Variants in SNX8 observed in about 807,000 individuals in gnomAD.
SNX8 encodes the protein sorting nexin 8.
SNX8 carries 25 observed loss-of-function variants against 51.6 expected under a neutral mutation model. The ratio of observed to expected loss-of-function variants is 0.48; its 90% CI spans 0.35 to 0.68. The LOEUF (loss-of-function observed/expected upper bound fraction) is 0.68, where lower values mean the gene tolerates loss of function less well. Among genes scored for constraint, SNX8 ranks in the 30% least tolerant of loss-of-function variants. The pLI is 0.00. For synonymous variants in SNX8, 324 were observed against 277.0 expected, an observed-to-expected ratio of 1.17 and a Z score of -1.68; for missense variants, 695 against 624.0, an observed-to-expected ratio of 1.11 and a Z score of -1.21.
In SNX8 at chr7:2,272,075, A is replaced by G. The variant is rs7811591; in HGVS notation, c.419-104T>C. ...TCTCCCTAGAGGTGGCAGAGGGCCC[A>G]GCGGCTAGCAGAGGGCACTGGCTGG... On this transcript the variant is annotated intron_variant, in intron 3 of 10. Transcript: ENST00000222990. 9,211 of 1,493,946 alleles carry G rather than the reference A, an allele frequency of 6.2e-3. 461 individuals carry two copies. The African/African-American group carries it at 0.11, about 18-fold the overall frequency. 92.5% of individuals were successfully genotyped at this position (1,493,946 alleles called of 1,614,324 possible). A position where few individuals can be genotyped will look rare whatever the true frequency, so the allele number is the denominator to read the frequency against.
At chr7:2,295,313 A>C (rs1019921796) in intron 1 of SNX8, among the ~76,000 whole-genome samples, 2 of 150,942 alleles carry the variant, frequency 1.3e-5, no homozygotes, top group African/African-American at 4.9e-5. Context: ...CTGAGGCTCG[A>C]GAACTGCTTG....
rs1158188066 is a variant in SNX8 at position 2,322,940 on chromosome 7, C to T, written c.-66+31282G>A. ...GCTGAAGCAAGAGAATTACTTGAACCTGGGAGGCAGAGGTTGCAGTAAGCC... is the reference window on the plus strand; with the variant it reads ...GCTGAAGCAAGAGAATTACTTGAACTTGGGAGGCAGAGGTTGCAGTAAGCC... On this transcript the variant is annotated intron_variant, in intron 1 of 5. Transcript: ENST00000435336. Among the ~76,000 whole-genome samples the T allele has an allele frequency of 2.0e-5, 3 of 151,822 alleles. No individual in the cohort carries two copies. The East Asian group carries it at 5.8e-4, about 29-fold the overall frequency.
At chr7:2,257,068 C>A (rs756009022) in intron 9 of SNX8, 45 bp from the exon 10 acceptor site, 2 of 1,549,506 alleles carry the variant, frequency 1.3e-6, no homozygotes, top group Non-Finnish European at 1.7e-6. Flanking sequence ...CAGCCGGCGA[C>A]GGGAGCACCA....
chr7:2,256,730 C>T (rs935421965), intron 10 of SNX8, 144 bp downstream of exon 10: 6 of 705,834 alleles, frequency 8.5e-6, no homozygotes, highest in Admixed American at 6.4e-5. Flanking sequence ...GGGCGAGCAC[C>T]GTGTTCCAAG....
At position 2,251,940 on chromosome 7, in the gene SNX8, C is replaced by T. The variant is rs2115074394; in HGVS notation, c.*3116G>A. 1.3e-5 allele frequency: 2 copies of T among 152,386 alleles called. No individual in the cohort carries two copies. Among genetic ancestry groups the T allele is most frequent in the Middle Eastern group, 3.4e-3 (1 of 294 alleles). 9.4% of individuals were successfully genotyped at this position (152,386 alleles called of 1,614,324 possible). A position where few individuals can be genotyped will look rare whatever the true frequency, so the allele number is the denominator to read the frequency against. ...AAGGCCTCAGATGCACAGAGCTGCC[C>T]TGACATCCCTTGGCTCGGAGTCCCT... On this transcript the variant is annotated 3_prime_UTR_variant, in exon 11 of 11. Transcript: ENST00000222990.
chr7:2,283,644 A>G (rs1562437451), intron 1 of SNX8, among the ~76,000 whole-genome samples: 1 of 152,120 alleles, frequency 6.6e-6, no homozygotes, highest in Non-Finnish European at 1.5e-5. Flanking sequence ...CGGAGGGGAG[A>G]TCAGGACCAG....
intron 1 of SNX8, among the ~76,000 whole-genome samples, chr7:2,330,156 G>A (rs1231592117): frequency 1.6e-5 from 1 of 62,000 alleles, no homozygotes; most frequent in Non-Finnish European, 3.1e-5. Flanking sequence ...TTTTTTTTTT[G>A]AGACAGGGTC....
intron 1 of SNX8, among the ~76,000 whole-genome samples, chr7:2,328,658 C>T (rs1309179039): frequency 6.6e-6 from 1 of 150,870 alleles, no homozygotes; most frequent in African/African-American, 2.4e-5. Flanking sequence ...ATTAAAAATA[C>T]AAAAAATTGC....
intron 1 of SNX8, among the ~76,000 whole-genome samples, chr7:2,279,185 G>A (rs1795853534): frequency 1.7e-5 from 1 of 58,862 alleles, no homozygotes; most frequent in Non-Finnish European, 3.5e-5. Flanking sequence ...AGTCGACGCC[G>A]GACTCACTCA....
chr7:2,354,494 A>G (rs939409583), upstream of SNX8, among the ~76,000 whole-genome samples: 1 of 152,168 alleles, frequency 6.6e-6, no homozygotes, highest in Admixed American at 6.5e-5. Flanking sequence ...CATTCCGGGT[A>G]CTAAAATCAT....
intron 1 of SNX8, among the ~76,000 whole-genome samples, chr7:2,340,406 T>C (rs1338060244): frequency 6.6e-6 from 1 of 151,902 alleles, no homozygotes; most frequent in Non-Finnish European, 1.5e-5. Flanking sequence ...AATAGCTTTA[T>C]GAGTGGGAAA....
chr7:2,293,966 C>CAA (rs147695305), intron 1 of SNX8, among the ~76,000 whole-genome samples: 17 of 138,188 alleles, frequency 1.2e-4, no homozygotes, highest in African/African-American at 4.2e-4. Context: ...AACTCTGTCT[C>CAA]AAAAAAAAAA....
chr7:2,310,192 C>T (rs937774506), intron 1 of SNX8, among the ~76,000 whole-genome samples: 1 of 152,118 alleles, frequency 6.6e-6, no homozygotes, highest in African/African-American at 2.4e-5. Flanking sequence ...ACACTTACCA[C>T]ACTCACTGCC....
intron 1 of SNX8, among the ~76,000 whole-genome samples, chr7:2,349,049 T>A (rs1009405151): frequency 7.4e-5 from 11 of 147,824 alleles, no homozygotes; most frequent in Non-Finnish European, 1.5e-4. Context: ...TTAAAAAAAT[T>A]GTAAAAAAGC....
At chr7:2,315,700 A>T (rs959110843), upstream of SNX8, among the ~76,000 whole-genome samples, 1 of 121,730 alleles carries the variant, frequency 8.2e-6, no homozygotes, top group Non-Finnish European at 2.1e-5. Flanking sequence ...TTCTGCATTC[A>T]TTCAGTCACT....
intron 1 of SNX8, among the ~76,000 whole-genome samples, chr7:2,293,377 C>T (rs1182783974): frequency 6.6e-6 from 1 of 151,862 alleles, no homozygotes; most frequent in African/African-American, 2.4e-5. Context: ...GATGCTCAGT[C>T]GGGTGCGGTG....
At chr7:2,313,935 T>C (rs899129660) in intron 1 of SNX8, among the ~76,000 whole-genome samples, 1 of 152,260 alleles carries the variant, frequency 6.6e-6, no homozygotes, top group Admixed American at 6.5e-5. Context: ...TCCGGGGAAG[T>C]GGCCCCCAGT....
intron 1 of SNX8, among the ~76,000 whole-genome samples, chr7:2,324,720 T>C (rs1474213562): frequency 6.6e-6 from 1 of 152,346 alleles, no homozygotes; most frequent in African/African-American, 2.4e-5. Flanking sequence ...GCTGAGATCC[T>C]AGCCTAGGCT....
rs182111584 is a variant in SNX8, at chr7:2,254,723, C to T, written c.*333G>A. 6.9e-5 allele frequency: 25 copies of T among 360,926 alleles called. No individual in the cohort carries two copies. The highest frequency in any genetic ancestry group is 3.8e-4 in the African/African-American group (18 of 47,004). The allele number at this position is 360,926 out of a possible 1,614,324, so 22.4% of individuals were successfully genotyped here. A position where few individuals can be genotyped will look rare whatever the true frequency, so the allele number is the denominator to read the frequency against. ...CCGACTGTTCCAGCACCTGGAGGCC[C>T]TGCCTCCACGCTCCCCCAGGCACAA... On this transcript the variant is annotated 3_prime_UTR_variant, in exon 11 of 11. Coordinates refer to ENST00000222990, the MANE Select transcript of SNX8 (RefSeq NM_013321.4).
Sources: allele counts gnomAD v4.1 joint callset (sites outside exome capture counted in the v4.1 genomes callset), GRCh38; gene constraint gnomAD v4.1.1; transcripts MANE v1.5; gene names NCBI Gene and HGNC (gene_info 2026-07-23, HGNC 2026-07-21).